GNAT3: variants seen among roughly 807,000 people sequenced by gnomAD.
GNAT3 encodes G protein subunit alpha transducin 3.
Under a neutral mutation model 37.7 loss-of-function variants are expected in GNAT3, and 31 were observed. The ratio of observed to expected loss-of-function variants is 0.82; its 90% CI spans 0.62 to 1.11. GNAT3 has a LOEUF of 1.11. GNAT3 is among the 50% of genes most tolerant of loss of function. The probability of loss-of-function intolerance (pLI) is 0.00; values close to 1 mark genes in which losing one functional copy is unlikely to be tolerated. For missense variants in GNAT3, 437 were observed against 412.5 expected (o/e 1.06, Z -0.51); for synonymous variants, 138 against 139.8 (o/e 0.99, Z 0.09).
intron 5 of GNAT3, among the ~76,000 whole-genome samples, chr7:80,469,985 G>C (rs572819190): frequency 6.6e-6 from 1 of 152,070 alleles, no homozygotes; most frequent in African/African-American, 2.4e-5. Context: ...AAAATATTTT[G>C]TAACAAAATT....
At chr7:80,499,947 A>G (rs1410144318) in intron 1 of GNAT3, among the ~76,000 whole-genome samples, 1 of 152,208 alleles carries the variant, frequency 6.6e-6, no homozygotes, top group Non-Finnish European at 1.5e-5. Context: ...ATTTTCTATT[A>G]TTTGAAGAAT....
At chr7:80,504,058 G>A (rs1407816784) in intron 1 of GNAT3, among the ~76,000 whole-genome samples, 1 of 152,210 alleles carries the variant, frequency 6.6e-6, no homozygotes, top group East Asian at 1.9e-4. Flanking sequence ...GCTCATGCCT[G>A]TAATTCCAGC....
chr7:80,510,798 C>A (rs758868308), intron 1 of GNAT3, among the ~76,000 whole-genome samples: 1 of 151,922 alleles, frequency 6.6e-6, no homozygotes, highest in Non-Finnish European at 1.5e-5. Flanking sequence ...TTAGACACAA[C>A]GAAGGAATAC....
chr7:80,480,894 G>A (rs1398928141), intron 3 of GNAT3, among the ~76,000 whole-genome samples: 2 of 152,004 alleles, frequency 1.3e-5, no homozygotes, highest in African/African-American at 4.8e-5. Flanking sequence ...TGCCTTAACT[G>A]TCTGGGAATG....
Position 80,458,721 on chromosome 7 carries a change from C to G in GNAT3, c.1015G>C (p.Val339Leu). ...TQNVKFVFDA[V>L]TDIIIKENLK... ...TTCTCTTTGATTATTATATCTGTAA[C>G]TGCGTCAAACACAAACTTGACATTT... The change falls in exon 8 of 8, where the codon GTT (valine) becomes CTT (leucine). Residue 339 changes from valine (V) to leucine (L), a missense_variant. By Grantham distance (32) the Val-to-Leu change is conservative. Coordinates refer to ENST00000398291, the MANE Select transcript of GNAT3 (RefSeq NM_001102386.3). 6.3e-7 allele frequency: 1 copy of G among 1,596,598 alleles called. No individual in the cohort carries two copies. The highest frequency in any genetic ancestry group is 8.5e-7 in the Non-Finnish European group (1 of 1,170,718).
chr7:80,473,481 A>G (rs1790252956), intron 5 of GNAT3, among the ~76,000 whole-genome samples: 1 of 151,632 alleles, frequency 6.6e-6, no homozygotes, highest in Non-Finnish European at 1.5e-5. Flanking sequence ...CTTTAAGATT[A>G]TTCTCATTGT....
Position 80,462,213 on chromosome 7 carries a change from A to C in GNAT3, c.820T>G (p.Phe274Val), listed in dbSNP as rs1790062023. Residue 274 changes from phenylalanine to valine, a missense_variant, in exon 7 of 8, where the codon TTT becomes GTT. Transcript: ENST00000398291. Reference protein sequence around the residue: ...IVLFLNKKDIFQEKVTKVHLS... With the variant: ...IVLFLNKKDIVQEKVTKVHLS... ...TGCACCTTGGTTACCTTTTCTTGAA[A>C]GATATCTTTTTTGTTGAGGAACAGG... is the stretch of plus-strand genomic sequence containing the variant. The C allele has an allele frequency of 6.2e-7, 1 of 1,605,366 alleles. No individual in the cohort carries two copies. The highest frequency in any genetic ancestry group is 8.5e-7 in the Non-Finnish European group (1 of 1,175,122).
At position 80,483,933 on chromosome 7, in the gene GNAT3, T is replaced by TTC. The variant is rs374696968; in HGVS notation, c.303+4600_303+4601dup. 1.4e-3 allele frequency among the ~76,000 whole-genome samples: 206 copies of TTC among 151,640 alleles called. 3 individuals carry two copies. Among genetic ancestry groups the TTC allele is most frequent in the African/African-American group, 4.3e-3 (180 of 41,428 alleles). ...ATTACAGTGGGCCTGGAATGGCTCA[T>TTC]TCTCTCTCTCTCTCTCTTTAAAGAA... On this transcript the variant is annotated intron_variant, in intron 3 of 7. Transcript: ENST00000398291.
chr7:80,462,240 C>A lies in GNAT3; in HGVS notation c.793G>T (p.Val265Phe). 1.9e-6 allele frequency: 3 copies of A among 1,611,356 alleles called. No homozygotes were observed. Among genetic ancestry groups the A allele is most frequent in the Non-Finnish European group, 2.5e-6 (3 of 1,178,098 alleles). ...NHKYFSTTSI[V>F]LFLNKKDIFQ... Reference sequence around the variant, plus strand: ...ATATCTTTTTTGTTGAGGAACAGGACAATGGAGGTTGTTGAAAAATACTTG... The same window carrying A: ...ATATCTTTTTTGTTGAGGAACAGGAAAATGGAGGTTGTTGAAAAATACTTG... Residue 265 changes from valine (V) to phenylalanine (F), a missense_variant, in exon 7 of 8, where the codon GTC (valine) becomes TTC (phenylalanine). Transcript: ENST00000398291.
intron 3 of GNAT3, among the ~76,000 whole-genome samples, chr7:80,486,880 C>T (rs1299438730): frequency 6.6e-6 from 1 of 151,956 alleles, no homozygotes; most frequent in East Asian, 1.9e-4. Context: ...ATTGTGATTT[C>T]CAACTTCTCT....
chr7:80,466,125 T>C (rs1226462984), intron 5 of GNAT3, among the ~76,000 whole-genome samples: 1 of 152,106 alleles, frequency 6.6e-6, no homozygotes, highest in East Asian at 1.9e-4. Flanking sequence ...CATTGCTTAA[T>C]GACAAACCAG....
intron 4 of GNAT3, among the ~76,000 whole-genome samples, chr7:80,477,808 G>T (rs1398951565): frequency 6.6e-6 from 1 of 152,172 alleles, no homozygotes; most frequent in African/African-American, 2.4e-5. Context: ...ACATATGCAT[G>T]AACAGAAATA....
At chr7:80,470,297 C>T (rs1291344521) in intron 5 of GNAT3, among the ~76,000 whole-genome samples, 4 of 152,162 alleles carry the variant, frequency 2.6e-5, no homozygotes, top group African/African-American at 4.8e-5. Context: ...TCTTGGCTCA[C>T]TGCAACCTCC....
intron 2 of GNAT3, among the ~76,000 whole-genome samples, chr7:80,493,752 A>T (rs9769885): frequency 0.17 from 3,272 of 19,014 alleles, 123 homozygotes; most frequent in African/African-American, 0.37. Flanking sequence ...TTCCTCCTCC[A>T]CCTCTTTCCT....
chr7:80,502,226 T>C (rs1207587384), intron 1 of GNAT3, among the ~76,000 whole-genome samples: 2 of 152,080 alleles, frequency 1.3e-5, no homozygotes, highest in Non-Finnish European at 2.9e-5. Context: ...TGTATACTTA[T>C]CTCCAAGCTC....
chr7:80,461,994 G>C (rs746733639), intron 7 of GNAT3, among the ~76,000 whole-genome samples, 165 bp downstream of exon 7: 1 of 151,806 alleles, frequency 6.6e-6, no homozygotes, highest in Non-Finnish European at 1.5e-5. Context: ...ATGTAGAGAG[G>C]GTTCTTCTTT....
chr7:80,494,242 G>T (rs1403052117), intron 2 of GNAT3, among the ~76,000 whole-genome samples: 2 of 152,094 alleles, frequency 1.3e-5, no homozygotes, highest in African/African-American at 2.4e-5. Flanking sequence ...TGCTAATGAG[G>T]TTAAAAATAC....
chr7:80,500,959 T>C (rs1312596851), intron 1 of GNAT3, among the ~76,000 whole-genome samples: 1 of 152,050 alleles, frequency 6.6e-6, no homozygotes, highest in Non-Finnish European at 1.5e-5. Context: ...TTGGCTTTGG[T>C]TTTTATATTT....
At chr7:80,484,342 C>T (rs898216823) in intron 3 of GNAT3, among the ~76,000 whole-genome samples, 2 of 152,056 alleles carry the variant, frequency 1.3e-5, no homozygotes, top group East Asian at 1.9e-4. Flanking sequence ...TGTGGCTACT[C>T]GGTTTTCAGA....
Sources: gnomAD v4.1 joint callset for allele counts (sites outside exome capture counted in the v4.1 genomes callset) on GRCh38, gnomAD v4.1.1 for gene constraint, MANE v1.5 for transcripts, NCBI Gene and HGNC (gene_info 2026-07-23, HGNC 2026-07-21) for gene names.